Variants in HNRNPDL observed in about 807,000 individuals in gnomAD.
HNRNPDL encodes heterogeneous nuclear ribonucleoprotein D-like.
In HNRNPDL, 18 loss-of-function variants were observed where a neutral mutation model predicts 48.0. The observed-to-expected ratio is 0.38, with a 90% CI of 0.26 to 0.56. The LOEUF (loss-of-function observed/expected upper bound fraction) is 0.56. Among genes scored for constraint, HNRNPDL ranks in the 20% least tolerant of loss-of-function variants. The probability of loss-of-function intolerance (pLI) is 0.77; values close to 1 mark genes in which losing one functional copy is unlikely to be tolerated. For missense variants in HNRNPDL, 553 were observed against 540.7 expected (o/e 1.02, Z -0.23); for synonymous variants, 306 against 207.3 (o/e 1.48, Z -4.09).
rs1437067599 is a variant in HNRNPDL, at chr4:82,429,319, G to A, written c.372C>T (p.Asn124=). The change falls in exon 1 of 8, where the codon AAC becomes AAT. Residue 124 remains asparagine, a synonymous_variant. Transcript: ENST00000295470. ...CGAATTCCTCTATATTGCTGTACTCGTTCATATCCTCCATAGTGACGGAGC... is the reference window on the plus strand; with the variant it reads ...CGAATTCCTCTATATTGCTGTACTCATTCATATCCTCCATAGTGACGGAGC... The part of the protein sequence containing the change: ...ADSSVTMEDM[N]EYSNIEEFAE... 2 of 1,613,874 alleles carry A rather than the reference G, an allele frequency of 1.2e-6. No individual in the cohort carries two copies. The highest frequency in any genetic ancestry group is 2.2e-5 in the East Asian group (1 of 44,850).
intron 3 of HNRNPDL, 55 bp downstream of exon 3, chr4:82,427,963 G>T: frequency 1.3e-6 from 2 of 1,538,906 alleles, no homozygotes; most frequent in Non-Finnish European, 1.8e-6. Flanking sequence ...ATCGGACAAG[G>T]ATTGAACATT....
intron 3 of HNRNPDL, 123 bp downstream of exon 3, chr4:82,427,895 C>A (rs1432808373): frequency 4.3e-6 from 4 of 938,336 alleles, no homozygotes; most frequent in Non-Finnish European, 6.4e-6. Context: ...TCACTGGAAG[C>A]GACTTGAGCA....
chr4:82,427,647 C>T, intron 3 of HNRNPDL, 83 bp from the exon 4 acceptor site: 2 of 1,254,564 alleles, frequency 1.6e-6, no homozygotes, highest in Non-Finnish European at 2.3e-6. Context: ...TTTCAGGCTT[C>T]AACTTAAACA....
chr4:82,429,184 C>G (rs1721566436), intron 1 of HNRNPDL, 64 bp downstream of exon 1: 2 of 1,480,090 alleles, frequency 1.4e-6, no homozygotes, highest in African/African-American at 1.4e-5. Context: ...GCGCGGCTCA[C>G]GAGGAACGAA....
In HNRNPDL at chr4:82,423,765, CTGTAATGACTCAGTCACATT is replaced by C. The variant is rs558624260; in HGVS notation, c.*1121_*1140del. On this transcript the variant is annotated 3_prime_UTR_variant, in exon 8 of 8. Coordinates refer to ENST00000295470, the MANE Select transcript of HNRNPDL (RefSeq NM_031372.4). ...CTTTTCAATGCACCCAGAGGGTCCA[CTGTAATGACTCAGTCACATT>C]TGTAATGACTTAGTCACATTTGTAA... 483 of 152,342 alleles carry C rather than the reference CTGTAATGACTCAGTCACATT, an allele frequency of 3.2e-3. No individual in the cohort carries two copies. The highest frequency in any genetic ancestry group is 0.011 in the African/African-American group (453 of 41,576). 9.4% of individuals were successfully genotyped at this position (152,342 alleles called of 1,614,324 possible).
At chr4:82,428,926 A>G (rs1721544090) in intron 1 of HNRNPDL, among the ~76,000 whole-genome samples, 1 of 152,218 alleles carries the variant, frequency 6.6e-6, no homozygotes, top group South Asian at 2.1e-4. Context: ...CAGAGACACA[A>G]TGAAGAGGCG....
In HNRNPDL at chr4:82,430,025, G is replaced by C. The variant is rs1009541966; in HGVS notation, c.-335C>G. Reference sequence around the variant, plus strand: ...GCCCGGCGCTGGCGACTGAGGCGGCGAGCGCGCTCGCCCGCCGCGCGCACG... The same window carrying C: ...GCCCGGCGCTGGCGACTGAGGCGGCCAGCGCGCTCGCCCGCCGCGCGCACG... On this transcript the variant is annotated 5_prime_UTR_variant, in exon 1 of 8. Coordinates refer to ENST00000295470, the MANE Select transcript of HNRNPDL (RefSeq NM_031372.4). 1 of 179,248 alleles carries C rather than the reference G, an allele frequency of 5.6e-6. No homozygotes were observed. Among genetic ancestry groups the C allele is most frequent in the Non-Finnish European group, 1.2e-5 (1 of 86,160 alleles). The allele number at this position is 179,248 out of a possible 1,614,324, so 11.1% of individuals were successfully genotyped here.
At position 82,428,381 on chromosome 4, in the gene HNRNPDL, C is replaced by T. The variant is rs769989101; in HGVS notation, c.509G>A (p.Arg170Gln). Residue 170 changes from arginine (R) to glutamine (Q), a missense_variant, in exon 2 of 8, where the codon CGA becomes CAA. Physicochemically the swap from Arg to Gln is conservative, Grantham distance 43. Coordinates refer to ENST00000295470, the MANE Select transcript of HNRNPDL (RefSeq NM_031372.4). ...SKKDLTEYLSRFGEVVDCTIK... is the reference protein window; with the variant it reads ...SKKDLTEYLSQFGEVVDCTIK... The stretch of plus-strand genomic sequence containing the variant: ...TGTGCAGTCTACAACTTCCCCAAAT[C>T]GAGACAAGTACTCTGTCAGATCTTT... The T allele has an allele frequency of 1.9e-6, 3 of 1,613,766 alleles. No homozygotes were observed. The highest frequency in any genetic ancestry group is 1.7e-6 in the Non-Finnish European group (2 of 1,179,682).
intron 2 of HNRNPDL, 37 bp downstream of exon 2, chr4:82,428,241 A>G (rs759697176): frequency 6.2e-7 from 1 of 1,607,606 alleles, no homozygotes; most frequent in South Asian, 1.1e-5. Context: ...TTTGCAAAAC[A>G]CCACAAAAGC....
At chr4:82,425,122 G>A (rs553908767) in intron 7 of HNRNPDL, 2 of 152,230 alleles carry the variant, frequency 1.3e-5, no homozygotes, top group Admixed American at 6.5e-5. Flanking sequence ...CCCATATTCA[G>A]AGGTTCAACT....
At position 82,422,834 on chromosome 4, in the gene HNRNPDL, T is replaced by C. The variant is rs926469353; in HGVS notation, c.*2072A>G. The C allele has an allele frequency of 6.6e-6, 1 of 152,252 alleles. No individual in the cohort carries two copies. The highest frequency in any genetic ancestry group is 1.9e-4 in the East Asian group (1 of 5,204). 9.4% of individuals were successfully genotyped at this position (152,252 alleles called of 1,614,324 possible). Reference sequence around the variant, plus strand: ...TAAACAATGTAAAAGGCAAATACGATGTAAAAAACATACACAGAGTATTTG... The same window carrying C: ...TAAACAATGTAAAAGGCAAATACGACGTAAAAAACATACACAGAGTATTTG... On this transcript the variant is annotated 3_prime_UTR_variant, in exon 8 of 8. Coordinates refer to ENST00000295470, the MANE Select transcript of HNRNPDL (RefSeq NM_031372.4).
chr4:82,424,801 C>G lies in HNRNPDL; in HGVS notation c.*105G>C, dbSNP rs1172638077. On this transcript the variant is annotated 3_prime_UTR_variant, in exon 8 of 8. Transcript: ENST00000295470. ...AATGGTGTCTTGTACACTAGAAAGT[C>G]TTTTACAAAATAATCATCTTAGATC... is the stretch of plus-strand genomic sequence containing the variant. 6.6e-6 allele frequency: 1 copy of G among 152,208 alleles called. No homozygotes were observed. Among genetic ancestry groups the G allele is most frequent in the Non-Finnish European group, 1.5e-5 (1 of 68,022 alleles). 9.4% of individuals were successfully genotyped at this position (152,208 alleles called of 1,614,324 possible).
chr4:82,428,214 T>A, intron 2 of HNRNPDL, 35 bp from the exon 3 acceptor site: 1 of 1,609,034 alleles, frequency 6.2e-7, no homozygotes, highest in Non-Finnish European at 8.5e-7. Context: ...GACAGCACCA[T>A]ATAACCCCCA....
In HNRNPDL at chr4:82,424,838, A is replaced by C. The variant is rs1281846300; in HGVS notation, c.*68T>G. ...AATCATCTTAGATCAACAGAAGACC[A>C]ATCTTCAATGTCGTCCTGCAAGATG... On this transcript the variant is annotated 3_prime_UTR_variant, in exon 8 of 8. Transcript: ENST00000295470. 6.6e-6 allele frequency: 1 copy of C among 152,234 alleles called. No individual in the cohort carries two copies. The highest frequency in any genetic ancestry group is 2.4e-5 in the African/African-American group (1 of 41,458). The allele number at this position is 152,234 out of a possible 1,614,324, so 9.4% of individuals were successfully genotyped here. A position where few individuals can be genotyped will look rare whatever the true frequency, so the allele number is the denominator to read the frequency against.
intron 6 of HNRNPDL, 52 bp downstream of exon 6, chr4:82,426,389 TTTCAGAACAGGATTGTATGTTA>T (rs1721408374): frequency 1.5e-5 from 20 of 1,367,498 alleles, no homozygotes; most frequent in Non-Finnish European, 2.1e-5. Flanking sequence ...ATACACACAA[TTTCAGAACAGGATTGTATGTTA>T]ACAATGAATT....
Position 82,429,390 on chromosome 4 carries a change from C to T in HNRNPDL, c.301G>A (p.Ala101Thr), listed in dbSNP as rs147289067. The T allele has an allele frequency of 4.3e-6, 7 of 1,613,188 alleles. No homozygotes were observed. The highest frequency in any genetic ancestry group is 1.6e-4 in the Middle Eastern group (1 of 6,076). ...CGCGCAGTCCGGGTCGCGGCAGCAG[C>T]GGCGGCGGAGCGTTGTATGGAGCTG... The part of the protein sequence containing the change: ...KSSSIQRSAA[A>T]AAATRTARQH... Residue 101 changes from alanine (A) to threonine (T), a missense_variant, in exon 1 of 8, where the codon GCT (alanine) becomes ACT (threonine). Ala to Thr is a moderately conservative substitution (Grantham distance 58). Coordinates refer to ENST00000295470, the MANE Select transcript of HNRNPDL (RefSeq NM_031372.4).
At chr4:82,425,983 G>A in intron 7 of HNRNPDL, 54 bp downstream of exon 7, 7 of 1,144,936 alleles carry the variant, frequency 6.1e-6, no homozygotes, top group Non-Finnish European at 7.9e-6. Context: ...TTTGTCTATT[G>A]ATCTTTAAAT....
chr4:82,426,780 G>T, intron 5 of HNRNPDL, 147 bp from the exon 6 acceptor site: 1 of 689,126 alleles, frequency 1.5e-6, no homozygotes, highest in East Asian at 2.7e-5. Context: ...TATTTTTCCA[G>T]CTGTTATAAA....
rs755573198 is a variant in HNRNPDL at position 82,426,119 on chromosome 4, G to A, written c.1203C>T (p.Ser401=). The A allele has an allele frequency of 6.4e-5, 103 of 1,613,376 alleles. No homozygotes were observed. Among genetic ancestry groups the A allele is most frequent in the Non-Finnish European group, 8.6e-5 (101 of 1,179,654 alleles). Residue 401 remains serine, a synonymous_variant, in exon 7 of 8, where the codon AGC becomes AGT. Coordinates refer to ENST00000295470, the MANE Select transcript of HNRNPDL (RefSeq NM_031372.4). ...QGYADYSGQQ[S]TYGKASRGGG... is the part of the protein sequence containing the mutation. ...CCCCTCGAGATGCCTTGCCATAAGT[G>A]CTCTGTTGGCCTATTTTGAAAACAC...
Sources: allele counts gnomAD v4.1 joint callset (sites outside exome capture counted in the v4.1 genomes callset), GRCh38; gene constraint gnomAD v4.1.1; transcripts MANE v1.5; gene names NCBI Gene and HGNC (gene_info 2026-07-23, HGNC 2026-07-21).